Variants in MAGI2 observed in about 807,000 individuals in gnomAD.
MAGI2 encodes the protein membrane-associated guanylate kinase, WW and PDZ domain-containing protein 2.
MAGI2 carries 35 observed loss-of-function variants against 133.3 expected under a neutral mutation model. That is an observed-to-expected ratio of 0.26 (90% CI 0.20 to 0.35). The LOEUF is 0.35. MAGI2 is among the 10% of genes least tolerant of loss of function. The probability of loss-of-function intolerance (pLI) is 1.00; values close to 1 mark genes in which losing one functional copy is unlikely to be tolerated. For missense variants in MAGI2, 1,636 were observed against 1,863.4 expected, an observed-to-expected ratio of 0.88 and a Z score of 2.25; for synonymous variants, 729 against 710.6, an observed-to-expected ratio of 1.03 and a Z score of -0.41.
At chr7:79,130,591 C>G (rs1028163209) in intron 1 of MAGI2, among the ~76,000 whole-genome samples, 1 of 152,168 alleles carries the variant, frequency 6.6e-6, no homozygotes, top group Non-Finnish European at 1.5e-5. Context: ...TACTTCATCT[C>G]ACAATACATC....
At chr7:78,080,378 C>G (rs549656170) in intron 20 of MAGI2, among the ~76,000 whole-genome samples, 2 of 152,160 alleles carry the variant, frequency 1.3e-5, no homozygotes, top group South Asian at 4.1e-4. Flanking sequence ...ACCAAGAAGA[C>G]GGAACTAACT....
chr7:78,035,655 C>T (rs551695797), intron 21 of MAGI2, among the ~76,000 whole-genome samples: 1 of 152,194 alleles, frequency 6.6e-6, no homozygotes, highest in East Asian at 1.9e-4. Context: ...CCTATCAGGC[C>T]ATCTGGCCAC....
chr7:79,136,131 C>G (rs12532258), intron 1 of MAGI2, among the ~76,000 whole-genome samples: 1 of 139,576 alleles, frequency 7.2e-6, no homozygotes, highest in Admixed American at 7.1e-5. Context: ...GAAAGAAAGA[C>G]ACAAAAGGCA....
chr7:78,371,702 A>G (rs1463654522), intron 6 of MAGI2, among the ~76,000 whole-genome samples: 3 of 152,012 alleles, frequency 2.0e-5, no homozygotes, highest in African/African-American at 4.8e-5. Context: ...CCCACTTGTT[A>G]TCATGCAGTC....
At chr7:78,942,139 A>G (rs1411329719) in intron 2 of MAGI2, among the ~76,000 whole-genome samples, 1 of 152,120 alleles carries the variant, frequency 6.6e-6, no homozygotes, top group Non-Finnish European at 1.5e-5. Flanking sequence ...ACATCCTCCT[A>G]TGTAGCTTGA....
At chr7:79,441,645 G>A (rs552739365) in intron 1 of MAGI2, among the ~76,000 whole-genome samples, 141 of 151,886 alleles carry the variant, frequency 9.3e-4, no homozygotes, top group African/African-American at 3.2e-3. Flanking sequence ...TAAGGAAAAT[G>A]ATTTTAAATT....
chr7:78,778,904 CTTT>C (rs71085566), intron 2 of MAGI2, among the ~76,000 whole-genome samples: 16 of 118,414 alleles, frequency 1.4e-4, no homozygotes, highest in African/African-American at 3.4e-4. Context: ...CCTTTTCAGC[CTTT>C]TTTTTTTTTT....
intron 2 of MAGI2, among the ~76,000 whole-genome samples, chr7:78,686,828 A>G (rs1449182764): frequency 6.6e-6 from 1 of 152,228 alleles, no homozygotes; most frequent in Non-Finnish European, 1.5e-5. Context: ...AGCGCATACT[A>G]ACTCAGCAAA....
intron 6 of MAGI2, chr7:78,485,571 CTCTAG>C (rs1366248985): frequency 2.6e-5 from 4 of 151,904 alleles, no homozygotes; most frequent in Non-Finnish European, 2.9e-5. Context: ...TTAGTTTTTT[CTCTAG>C]TCTAGTTAGT....
intron 2 of MAGI2, among the ~76,000 whole-genome samples, chr7:78,745,720 T>C (rs1360303): frequency 0.51 from 76,768 of 151,894 alleles, 19,722 homozygotes; most frequent in Non-Finnish European, 0.54. Flanking sequence ...ATATCACTTC[T>C]TATCTTATTT....
chr7:78,410,427 C>T (rs549306908), intron 6 of MAGI2, among the ~76,000 whole-genome samples: 1 of 151,982 alleles, frequency 6.6e-6, no homozygotes, highest in African/African-American at 2.4e-5. Flanking sequence ...ATTAAATGAT[C>T]CTAGAAGGCC....
intron 4 of MAGI2, 146 bp downstream of exon 4, chr7:78,521,284 G>A (rs569961656): frequency 8.9e-5 from 43 of 480,682 alleles, no homozygotes; most frequent in South Asian, 8.3e-4. Flanking sequence ...ATAATTACAC[G>A]TGAACACACA....
At chr7:78,073,858 G>A (rs1199452472) in intron 21 of MAGI2, among the ~76,000 whole-genome samples, 1 of 152,170 alleles carries the variant, frequency 6.6e-6, no homozygotes, top group Non-Finnish European at 1.5e-5. Flanking sequence ...CAGGGTGAAG[G>A]AGGGCACTGC....
In MAGI2 at chr7:78,019,920, C is replaced by T. The variant is rs1808174517; in HGVS notation, c.3763G>A (p.Gly1255Ser). 1.9e-6 allele frequency: 3 copies of T among 1,610,434 alleles called. No individual in the cohort carries two copies. The highest frequency in any genetic ancestry group is 1.7e-6 in the Non-Finnish European group (2 of 1,178,750). ...AAAAPGLPEV[G>S]VSLDDGLAPF... Reference sequence around the variant, plus strand: ...GCGAGGCCGTCGTCCAGGGAGACGCCTACTTCCGGCAGACCTGGGGCGGCG... The same window carrying T: ...GCGAGGCCGTCGTCCAGGGAGACGCTTACTTCCGGCAGACCTGGGGCGGCG... The change falls in exon 22 of 22, where the codon GGC becomes AGC. Residue 1255 changes from glycine to serine, a missense_variant. Physicochemically the swap from Gly to Ser is moderately conservative, Grantham distance 56. Transcript: ENST00000354212.
rs1491095694 is a variant in MAGI2, at chr7:78,573,231, TAA to T, written c.539-51588_539-51587del. On this transcript the variant is annotated intron_variant, in intron 3 of 21. Transcript: ENST00000354212. ...ATATATATATAAATATATATAAATA[TAA>T]ATATATATATATAAATATATATAAA... Among the ~76,000 whole-genome samples the T allele has an allele frequency of 2.7e-3, 166 of 60,448 alleles. 4 individuals are homozygous for T. The highest frequency in any genetic ancestry group is 0.015 in the African/African-American group (153 of 10,048). The allele number at this position is 60,448 out of a possible 152,430, so 39.7% of individuals were successfully genotyped here.
At chr7:78,096,606 C>T (rs1817713727) in intron 20 of MAGI2, among the ~76,000 whole-genome samples, 1 of 152,072 alleles carries the variant, frequency 6.6e-6, no homozygotes, top group South Asian at 2.1e-4. Flanking sequence ...AACTGTGACC[C>T]ATAGGTCAAA....
intron 1 of MAGI2, among the ~76,000 whole-genome samples, chr7:79,373,614 CTAATTT>C (rs1843192708): frequency 6.6e-6 from 1 of 151,780 alleles, no homozygotes; most frequent in African/African-American, 2.4e-5. Context: ...TAAAAATATC[CTAATTT>C]TAATTTGTGG....
At chr7:79,210,924 T>G (rs1829446074) in intron 1 of MAGI2, among the ~76,000 whole-genome samples, 1 of 152,064 alleles carries the variant, frequency 6.6e-6, no homozygotes, top group Admixed American at 6.5e-5. Context: ...ATGAGTTTGT[T>G]TGGGATGGGA....
In MAGI2 at chr7:78,135,199, G is replaced by A. The variant is rs1821984372; in HGVS notation, c.2853C>T (p.Pro951=). The A allele has an allele frequency of 1.9e-6, 3 of 1,613,736 alleles. No homozygotes were observed. The South Asian group carries it at 3.3e-5, about 18-fold the overall frequency. ...CATCAATGATGCGTCCGATTTTATG[G>A]GGCACAGCTAAAAAAACCCCAACAG... The part of the protein sequence containing the change: ...RPESGSTITV[P]HKIGRIIDGS... Residue 951 remains proline (P), a synonymous_variant, in exon 17 of 22, where the codon CCC becomes CCT. Coordinates refer to ENST00000354212, the MANE Select transcript of MAGI2 (RefSeq NM_012301.4).
Sources: gnomAD v4.1 joint callset for allele counts (sites outside exome capture counted in the v4.1 genomes callset) on GRCh38, gnomAD v4.1.1 for gene constraint, MANE v1.5 for transcripts, NCBI Gene and HGNC (gene_info 2026-07-23, HGNC 2026-07-21) for gene names.